Variants in NOL9 observed in about 807,000 individuals in gnomAD.
NOL9 encodes polynucleotide 5'-hydroxyl-kinase NOL9.
NOL9 carries 28 observed loss-of-function variants against 67.9 expected under a neutral mutation model. The observed-to-expected ratio is 0.41, with a 90% CI of 0.31 to 0.57. The LOEUF is 0.57. Among genes scored for constraint, NOL9 ranks in the 20% least tolerant of loss-of-function variants. NOL9 has a pLI of 0.25. For synonymous variants in NOL9, 356 were observed against 352.2 expected (o/e 1.01, Z -0.12); for missense variants, 777 against 897.0 (o/e 0.87, Z 1.71).
At position 6,554,102 on chromosome 1, in the gene NOL9, C is replaced by T. The variant is rs1295860639; in HGVS notation, c.396+5G>A. 1.3e-6 allele frequency: 2 copies of T among 1,522,922 alleles called. No individual in the cohort carries two copies. Among genetic ancestry groups the T allele is most frequent in the East Asian group, 2.7e-5 (1 of 36,742 alleles). The allele number at this position is 1,522,922 out of a possible 1,614,324, so 94.3% of individuals were successfully genotyped here. A position where few individuals can be genotyped will look rare whatever the true frequency, so the allele number is the denominator to read the frequency against. On this transcript the variant is annotated splice_donor_5th_base_variant and intron_variant, in intron 1 of 11. Coordinates refer to ENST00000377705, the MANE Select transcript of NOL9 (RefSeq NM_024654.5). ...CGGGGACTACTACCGGCGCCCCCCA[C>T]CTACCTGCTCGACCGGCAGCAGCAG...
At chr1:6,550,661 A>G (rs774431006) in intron 1 of NOL9, 46 bp from the exon 2 acceptor site, 3 of 1,324,692 alleles carry the variant, frequency 2.3e-6, no homozygotes, top group Admixed American at 2.0e-5. Context: ...TCATGTCACT[A>G]ATGACTGAAA....
chr1:6,554,086 C>A, intron 1 of NOL9, 21 bp downstream of exon 1: 1 of 1,512,378 alleles, frequency 6.6e-7, no homozygotes, highest in African/African-American at 1.4e-5. Flanking sequence ...TCGGGGACTA[C>A]TACCGGCGCC....
intron 6 of NOL9, 32 bp from the exon 7 acceptor site, chr1:6,533,473 TA>T (rs1409108654): frequency 6.6e-7 from 1 of 1,513,192 alleles, no homozygotes. Context: ...ATCAGATGAG[TA>T]AGGTGAGTGA....
In NOL9 at chr1:6,549,612, T is replaced by C; in HGVS notation, c.703A>G (p.Ile235Val). The stretch of plus-strand genomic sequence containing the variant: ...TAGGATGAACCCGGATAGCTGGTTA[T>C]GAAGTTTACAGTGGCAGTTTTCAGA... ...EHLKTATVNF[I>V]TSYPGSSYIF... is the part of the protein sequence containing the mutation. Residue 235 changes from isoleucine (I) to valine (V), a missense_variant, in exon 3 of 12, where the codon ATA becomes GTA. Physicochemically the swap from Ile to Val is conservative, Grantham distance 29 (BLOSUM62 3). Transcript: ENST00000377705. The C allele has an allele frequency of 6.2e-7, 1 of 1,614,164 alleles. No individual in the cohort carries two copies. Among genetic ancestry groups the C allele is most frequent in the Non-Finnish European group, 8.5e-7 (1 of 1,180,018 alleles).
At chr1:6,540,829 TA>T (rs58611683) in intron 6 of NOL9, 17,254 of 142,124 alleles carry the variant, frequency 0.12, 1,012 homozygotes, top group South Asian at 0.16. Context: ...GACTCCATCT[TA>T]AAAAAAAAAA....
intron 9 of NOL9, 94 bp downstream of exon 9, chr1:6,531,874 G>A: frequency 3.5e-6 from 3 of 864,708 alleles, no homozygotes; most frequent in Admixed American, 1.9e-5. Flanking sequence ...AATGAGCGAG[G>A]AGTTATGTAG....
At chr1:6,532,222 C>T (rs1639045402) in intron 8 of NOL9, 143 bp from the exon 9 acceptor site, 5 of 755,370 alleles carry the variant, frequency 6.6e-6, no homozygotes, top group South Asian at 5.3e-5. Context: ...ACTGGAAAAA[C>T]AGGAAGTGTA....
At chr1:6,532,234 A>T (rs1639045662) in intron 8 of NOL9, 155 bp from the exon 9 acceptor site, 1 of 731,312 alleles carries the variant, frequency 1.4e-6, no homozygotes, top group African/African-American at 1.8e-5. Flanking sequence ...GGAAGTGTAA[A>T]GACTCTCCTT....
rs376011962 is a variant in NOL9 at position 6,540,928 on chromosome 1, G to A, written c.1075+902C>T. 2.7e-5 allele frequency: 4 copies of A among 150,758 alleles called. No individual in the cohort carries two copies. The East Asian group carries it at 7.8e-4, about 29-fold the overall frequency. The allele number at this position is 150,758 out of a possible 1,614,324, so 9.3% of individuals were successfully genotyped here. On this transcript the variant is annotated intron_variant, in intron 6 of 11. Transcript: ENST00000377705. Reference sequence around the variant, plus strand: ...AGACTGGCAATGGGCCCCGCACAAGGATAACATATTATTTTTTTTAAGTGA... The same window carrying A: ...AGACTGGCAATGGGCCCCGCACAAGAATAACATATTATTTTTTTTAAGTGA...
chr1:6,550,600 C>A lies in NOL9; in HGVS notation c.412G>T (p.Gly138Trp). Residue 138 changes from glycine to tryptophan, a missense_variant, in exon 2 of 12, where the codon GGG becomes TGG. By Grantham distance (184) the Gly-to-Trp change is radical. Transcript: ENST00000377705. ...LPVEQGFTFSGICRVTCLYGQ... is the reference protein window; with the variant it reads ...LPVEQGFTFSWICRVTCLYGQ... ...TAGAGGCAAGTCACACGACAGATCCCACTAAAAGTAAAACCCTAGCAGGGA... is the reference window on the plus strand; with the variant it reads ...TAGAGGCAAGTCACACGACAGATCCAACTAAAAGTAAAACCCTAGCAGGGA... The A allele has an allele frequency of 6.2e-7, 1 of 1,613,614 alleles. No individual in the cohort carries two copies. The highest frequency in any genetic ancestry group is 8.5e-7 in the Non-Finnish European group (1 of 1,179,858).
intron 6 of NOL9, among the ~76,000 whole-genome samples, chr1:6,541,308 A>C (rs945454650): frequency 7.2e-5 from 11 of 152,240 alleles, no homozygotes; most frequent in African/African-American, 2.2e-4. Context: ...CAGCCTCCCG[A>C]GGAGCTGGGA....
At position 6,524,507 on chromosome 1, in the gene NOL9, C is replaced by T. The variant is rs1204456930; in HGVS notation, c.*1347G>A. 2.0e-5 allele frequency: 3 copies of T among 152,208 alleles called. No homozygotes were observed. Among genetic ancestry groups the T allele is most frequent in the Non-Finnish European group, 4.4e-5 (3 of 68,114 alleles). 9.4% of individuals were successfully genotyped at this position (152,208 alleles called of 1,614,324 possible). On this transcript the variant is annotated 3_prime_UTR_variant, in exon 12 of 12. Coordinates refer to ENST00000377705, the MANE Select transcript of NOL9 (RefSeq NM_024654.5). ...GGAGAATGGCAGTCTGGTCACCAGC[C>T]GCCGGCACCCCCAGGAAAAAGCTCT...
chr1:6,527,160 T>C (rs1269382205), intron 10 of NOL9, among the ~76,000 whole-genome samples: 1 of 150,574 alleles, frequency 6.6e-6, no homozygotes, highest in African/African-American at 2.5e-5. Flanking sequence ...GACAGGAGAA[T>C]AGCTTGAACC....
intron 3 of NOL9, 101 bp downstream of exon 3, chr1:6,549,466 CTAGA>C: frequency 7.7e-7 from 1 of 1,302,708 alleles, no homozygotes; most frequent in Non-Finnish European, 1.1e-6. Flanking sequence ...ACTGAGAGCA[CTAGA>C]TAGACCAACT....
chr1:6,541,436 C>A (rs921834696), intron 6 of NOL9, among the ~76,000 whole-genome samples: 5 of 152,166 alleles, frequency 3.3e-5, no homozygotes, highest in Non-Finnish European at 7.3e-5. Context: ...CCAGCCTCAG[C>A]CTCCCCAAGT....
At chr1:6,542,423 A>G (rs1639315602) in intron 5 of NOL9, among the ~76,000 whole-genome samples, 1 of 150,010 alleles carries the variant, frequency 6.7e-6, no homozygotes, top group Admixed American at 6.7e-5. Context: ...TCGGTCCCCC[A>G]AAGTGCTGGG....
chr1:6,521,522 T>C lies in NOL9; in HGVS notation c.*4332A>G, dbSNP rs1168964853. The C allele has an allele frequency of 6.6e-6, 1 of 152,180 alleles. No homozygotes were observed. The highest frequency in any genetic ancestry group is 1.5e-5 in the Non-Finnish European group (1 of 68,022). 9.4% of individuals were successfully genotyped at this position (152,180 alleles called of 1,614,324 possible). On this transcript the variant is annotated 3_prime_UTR_variant, in exon 12 of 12. Coordinates refer to ENST00000377705, the MANE Select transcript of NOL9 (RefSeq NM_024654.5). ...GTGGGCTGGAGGATCATTTTCTACA[T>C]GTGTAAGCTGCTTATAAAATTTTAA...
chr1:6,541,638 C>G (rs1216332598), intron 6 of NOL9, among the ~76,000 whole-genome samples, 192 bp downstream of exon 6: 1 of 152,186 alleles, frequency 6.6e-6, no homozygotes, highest in Admixed American at 6.5e-5. Flanking sequence ...GTAGCAGTTC[C>G]ATTTCCTAAA....
chr1:6,551,193 C>T (rs547001131), intron 1 of NOL9, among the ~76,000 whole-genome samples: 1 of 152,030 alleles, frequency 6.6e-6, no homozygotes, highest in African/African-American at 2.4e-5. Context: ...CCTCTGTGGT[C>T]CTAGCTACTT....
Sources: gnomAD v4.1 joint callset for allele counts (sites outside exome capture counted in the v4.1 genomes callset) on GRCh38, gnomAD v4.1.1 for gene constraint, MANE v1.5 for transcripts, NCBI Gene and HGNC (gene_info 2026-07-23, HGNC 2026-07-21) for gene names.